NLRC4: variants seen among roughly 807,000 people sequenced by gnomAD.
The protein encoded by NLRC4 is NLR family CARD domain-containing protein 4.
In NLRC4, 63 loss-of-function variants were observed where a neutral mutation model predicts 79.9. That is an observed-to-expected ratio of 0.79 (90% CI 0.64 to 0.97). The LOEUF (loss-of-function observed/expected upper bound fraction) is 0.97, where lower values mean the gene tolerates loss of function less well. Ranked by LOEUF, NLRC4 falls within the 50% of genes least tolerant of loss-of-function variation. NLRC4 has a pLI of 0.00. For synonymous variants in NLRC4, 461 were observed against 456.5 expected, an observed-to-expected ratio of 1.01 and a Z score of -0.12; for missense variants, 1,074 against 1,215.2, an observed-to-expected ratio of 0.88 and a Z score of 1.73.
At chr2:32,238,613 T>C (rs902852455) in intron 5 of NLRC4, among the ~76,000 whole-genome samples, 1 of 152,102 alleles carries the variant, frequency 6.6e-6, no homozygotes. Context: ...TTTACATGAA[T>C]GAAGTCTTCT....
At position 32,252,427 on chromosome 2, in the gene NLRC4, T is replaced by G; in HGVS notation, c.254A>C (p.Asn85Thr). Residue 85 changes from asparagine (N) to threonine (T), a missense_variant, in exon 3 of 9, where the codon AAT becomes ACT. Asn to Thr is a moderately conservative substitution (Grantham distance 65). Coordinates refer to ENST00000402280, the MANE Select transcript of NLRC4 (RefSeq NM_001199138.2). ...EWNYPLFQDLNGQSLFHQTSE... is the reference protein window; with the variant it reads ...EWNYPLFQDLTGQSLFHQTSE... ...AACTAACTGATACTTACTTTGTCCA[T>G]TCAAGTCCTGAAATAGAGGATAGTT... 6.2e-7 allele frequency: 1 copy of G among 1,608,388 alleles called. No homozygotes were observed. Among genetic ancestry groups the G allele is most frequent in the Middle Eastern group, 1.7e-4 (1 of 6,052 alleles).
intron 2 of NLRC4, among the ~76,000 whole-genome samples, chr2:32,254,613 G>GTTTTTTTTTTTTTTTTTTTTTTTT (rs61379576): frequency 1.1e-5 from 1 of 95,232 alleles, no homozygotes; most frequent in African/African-American, 4.4e-5. Context: ...GCTGCTCCTG[G>GTTTTTTTTTTTTTTTTTTTTTTTT]TTTTTTTTTT....
intron 4 of NLRC4, among the ~76,000 whole-genome samples, chr2:32,245,008 A>G (rs1686898757): frequency 6.6e-6 from 1 of 151,942 alleles, no homozygotes; most frequent in African/African-American, 2.4e-5. Flanking sequence ...GCTGAGCATT[A>G]TGTAGAAAAT....
chr2:32,230,255 G>A (rs1251515899), intron 8 of NLRC4, among the ~76,000 whole-genome samples: 2 of 152,180 alleles, frequency 1.3e-5, no homozygotes, highest in Non-Finnish European at 2.9e-5. Context: ...AAAAAAGTGT[G>A]AAATAGTTTA....
upstream of NLRC4, among the ~76,000 whole-genome samples, chr2:32,265,211 T>C (rs936155241): frequency 3.3e-5 from 5 of 152,102 alleles, no homozygotes; most frequent in Admixed American, 1.3e-4. Context: ...GACAGAGTCT[T>C]GTTCTGTCAC....
intron 1 of NLRC4, among the ~76,000 whole-genome samples, chr2:32,259,810 A>G (rs974973404): frequency 3.3e-5 from 5 of 152,240 alleles, no homozygotes; most frequent in African/African-American, 1.2e-4. Flanking sequence ...ACATAAACGG[A>G]ATCATACAGT....
chr2:32,224,457 T>A lies in NLRC4; in HGVS notation c.*16A>T. 1.3e-6 allele frequency: 2 copies of A among 1,559,954 alleles called. No homozygotes were observed. Among genetic ancestry groups the A allele is most frequent in the Non-Finnish European group, 1.7e-6 (2 of 1,152,868 alleles). On this transcript the variant is annotated 3_prime_UTR_variant, in exon 9 of 9. Coordinates refer to ENST00000402280, the MANE Select transcript of NLRC4 (RefSeq NM_001199138.2). ...ATGAGGTCCCAGAGCACTTACTGGC[T>A]TCGAGTACACTTTATTTAAGCAGTT...
At chr2:32,259,915 G>A (rs1446540455) in intron 1 of NLRC4, among the ~76,000 whole-genome samples, 4 of 152,080 alleles carry the variant, frequency 2.6e-5, no homozygotes, top group African/African-American at 9.7e-5. Context: ...TTGCTTAGTA[G>A]TATTGTACTG....
At chr2:32,227,503 G>A (rs1320809361) in intron 8 of NLRC4, among the ~76,000 whole-genome samples, 1 of 152,112 alleles carries the variant, frequency 6.6e-6, no homozygotes, top group East Asian at 1.9e-4. Context: ...TCCAAATGCT[G>A]GTTGCCAGTT....
chr2:32,249,042 G>A (rs965882524), intron 4 of NLRC4, among the ~76,000 whole-genome samples: 2 of 152,168 alleles, frequency 1.3e-5, no homozygotes, highest in Admixed American at 6.5e-5. Context: ...CAGAGATTGC[G>A]TACCTGCTTA....
rs116224455 is a variant in NLRC4 at position 32,235,324 on chromosome 2, G to A, written c.2782+77C>T. 8.4e-3 allele frequency: 8,325 copies of A among 990,714 alleles called. 65 individuals are homozygous for A. Among genetic ancestry groups the A allele is most frequent in the Middle Eastern group, 0.04 (184 of 4,638 alleles). 61.4% of individuals were successfully genotyped at this position (990,714 alleles called of 1,614,324 possible). ...AGAGGAAGCAAAATAAAATAAGGGG[G>A]CAAAATAAGCAAAGCCAACTTAAGA... is the stretch of plus-strand genomic sequence containing the variant. On this transcript the variant is annotated intron_variant, in intron 8 of 8. Coordinates refer to ENST00000402280, the MANE Select transcript of NLRC4 (RefSeq NM_001199138.2).
At chr2:32,244,813 A>G (rs535146154) in intron 4 of NLRC4, among the ~76,000 whole-genome samples, 27 of 151,234 alleles carry the variant, frequency 1.8e-4, no homozygotes, top group African/African-American at 6.1e-4. Context: ...CCTCCTCTCT[A>G]CAAAAAAGAA....
At chr2:32,255,944 G>A (rs1210414029) in intron 2 of NLRC4, among the ~76,000 whole-genome samples, 1 of 151,858 alleles carries the variant, frequency 6.6e-6, no homozygotes, top group East Asian at 1.9e-4. Flanking sequence ...AACCCAGGAG[G>A]TGGAGGTTGC....
At chr2:32,243,922 G>A (rs746851426) in intron 4 of NLRC4, among the ~76,000 whole-genome samples, 2 of 151,720 alleles carry the variant, frequency 1.3e-5, no homozygotes, top group East Asian at 2.0e-4. Context: ...GTAAAACTAC[G>A]TGATCCCATA....
rs372904047 is a variant in NLRC4 at position 32,224,544 on chromosome 2, G to T, written c.3004C>A (p.Leu1002Ile). 28 of 1,613,596 alleles carry T rather than the reference G, an allele frequency of 1.7e-5. No homozygotes were observed. Among genetic ancestry groups the T allele is most frequent in the Non-Finnish European group, 2.2e-5 (26 of 1,179,742 alleles). Residue 1002 changes from leucine to isoleucine, a missense_variant, in exon 9 of 9, where the codon CTT becomes ATT. Physicochemically the swap from Leu to Ile is conservative, Grantham distance 5. Transcript: ENST00000402280. ...SKLTFLQEAR[L>I]VGWQFDDDDL... ...TCATCATCAAATTGCCACCCAACAA[G>T]CCTAGCTTCTTGCAGAAAAGTTAAC...
chr2:32,245,326 A>C (rs1038161254), intron 4 of NLRC4, among the ~76,000 whole-genome samples: 1 of 151,490 alleles, frequency 6.6e-6, no homozygotes, highest in Non-Finnish European at 1.5e-5. Context: ...AAAAAAAAAA[A>C]AAAAAAACAG....
At chr2:32,259,783 G>T (rs1687294901) in intron 1 of NLRC4, among the ~76,000 whole-genome samples, 1 of 152,068 alleles carries the variant, frequency 6.6e-6, no homozygotes, top group Non-Finnish European at 1.5e-5. Flanking sequence ...CCGTAAATTA[G>T]CCTGTTGAAG....
chr2:32,240,265 T>C (rs1423485748), intron 5 of NLRC4, among the ~76,000 whole-genome samples: 1 of 151,874 alleles, frequency 6.6e-6, no homozygotes, highest in African/African-American at 2.4e-5. Flanking sequence ...ACAGGTGTGA[T>C]CCACCATGCC....
rs1192302984 is a variant in NLRC4, at chr2:32,236,295, A to C, written c.2566T>G (p.Ser856Ala). The change falls in exon 7 of 9, where the codon TCA becomes GCA. Residue 856 changes from serine (S) to alanine (A), a missense_variant. Coordinates refer to ENST00000402280, the MANE Select transcript of NLRC4 (RefSeq NM_001199138.2). ...CCATCTTTTTCCAGGTAATTTTCTG[A>C]TAAATCAAGAATGCTCAGTTTGACC... ...NLVKLSILDLSENYLEKDGNE... is the reference protein window; with the variant it reads ...NLVKLSILDLAENYLEKDGNE... The C allele has an allele frequency of 1.9e-6, 3 of 1,612,606 alleles. No homozygotes were observed. The South Asian group carries it at 3.3e-5, about 18-fold the overall frequency.
Sources: gnomAD v4.1 joint callset for allele counts (sites outside exome capture counted in the v4.1 genomes callset) on GRCh38, gnomAD v4.1.1 for gene constraint, MANE v1.5 for transcripts, NCBI Gene and HGNC (gene_info 2026-07-23, HGNC 2026-07-21) for gene names.